The following GRIP2 variants were observed in gnomAD, a reference collection of about 807,000 sequenced individuals.
GRIP2 encodes the protein glutamate receptor interacting protein 2, also known as glutamate receptor-interacting protein 2.
A neutral mutation model predicts 108.3 loss-of-function variants in GRIP2; 58 were observed. The ratio of observed to expected loss-of-function variants is 0.54; its 90% confidence interval spans 0.43 to 0.67. The LOEUF (loss-of-function observed/expected upper bound fraction) is 0.67. Ranked by LOEUF, GRIP2 falls within the 30% of genes least tolerant of loss-of-function variation. GRIP2 has a pLI of 0.00. For synonymous variants in GRIP2, 586 were observed against 598.2 expected, an observed-to-expected ratio of 0.98 and a Z score of 0.30; for missense variants, 1,278 against 1,430.6, an observed-to-expected ratio of 0.89 and a Z score of 1.72.
chr3:14,584,789 G>A, the GRIP2 span, among the ~76,000 whole-genome samples: 32 of 152,132 alleles, frequency 2.1e-4, no homozygotes, highest in African/African-American at 7.0e-4. Context: ...AATCTTTTAC[G>A]AAGCACCCAT....
the GRIP2 span, among the ~76,000 whole-genome samples, chr3:14,579,236 G>T: frequency 6.6e-6 from 1 of 152,130 alleles, no homozygotes; most frequent in Admixed American, 6.5e-5. Flanking sequence ...AACTCTTAAA[G>T]ACAAACTGAA....
chr3:14,583,292 C>T, the GRIP2 span, among the ~76,000 whole-genome samples: 2 of 152,114 alleles, frequency 1.3e-5, no homozygotes, highest in Non-Finnish European at 2.9e-5. Context: ...GTGCATGAAC[C>T]GGATGCAGGG....
intron 1 of GRIP2, among the ~76,000 whole-genome samples, chr3:14,527,038 T>A (rs115629074): frequency 0.03 from 4,527 of 152,090 alleles, 211 homozygotes; most frequent in African/African-American, 0.1. Context: ...AATGCAAAAA[T>A]TGGCCGGGCA....
chr3:14,576,289 C>T, the GRIP2 span, among the ~76,000 whole-genome samples: 3 of 152,232 alleles, frequency 2.0e-5, no homozygotes, highest in African/African-American at 7.2e-5. Flanking sequence ...TCTGTCCATC[C>T]TCAGGACGGC....
At chr3:14,523,438 T>C in intron 5 of GRIP2, 174 bp downstream of exon 5, 1 of 608,252 alleles carries the variant, frequency 1.6e-6, no homozygotes, top group Admixed American at 2.7e-5. Flanking sequence ...CAACCAAGCC[T>C]ACTTCATTGC....
Position 14,496,454 on chromosome 3 carries a change from T to C in GRIP2, c.2786A>G (p.Glu929Gly), listed in dbSNP as rs1181245925. The change falls in exon 22 of 24, where the codon GAG (glutamate) becomes GGG (glycine). Residue 929 changes from glutamate (E) to glycine (G), a missense_variant. Physicochemically the swap from Glu to Gly is moderately conservative, Grantham distance 98. Transcript: ENST00000621039. Reference sequence around the variant, plus strand: ...CAAGGGTGTAGGCAGCAACAGCTCCTCCATTTCTGCAGGAGAGGCTCGTAC... The same window carrying C: ...CAAGGGTGTAGGCAGCAACAGCTCCCCCATTTCTGCAGGAGAGGCTCGTAC... ...REVRASPAEM[E>G]ELLLPTPLEM... 1 of 1,612,858 alleles carries C rather than the reference T, an allele frequency of 6.2e-7. No individual in the cohort carries two copies. Among genetic ancestry groups the C allele is most frequent in the Admixed American group, 1.7e-5 (1 of 59,898 alleles).
chr3:14,523,175 T>C (rs899423678), intron 5 of GRIP2, 100 bp from the exon 6 acceptor site: 12 of 852,148 alleles, frequency 1.4e-5, no homozygotes, highest in Non-Finnish European at 2.1e-5. Flanking sequence ...TAAAACCTGT[T>C]TGAGGACCTT....
At chr3:14,495,793 G>A (rs191082895) in intron 22 of GRIP2, among the ~76,000 whole-genome samples, 62 of 152,236 alleles carry the variant, frequency 4.1e-4, no homozygotes, top group Middle Eastern at 3.4e-3. Context: ...ATACATAGAC[G>A]TCACACACAC....
chr3:14,518,020 T>A, intron 9 of GRIP2, 123 bp from the exon 10 acceptor site: 1 of 1,180,724 alleles, frequency 8.5e-7, no homozygotes, highest in Non-Finnish European at 1.2e-6. Flanking sequence ...AGGCATTTAG[T>A]ATTCTGCTCA....
chr3:14,539,729 A>T (rs980621025), intron 1 of GRIP2, among the ~76,000 whole-genome samples: 3 of 152,074 alleles, frequency 2.0e-5, no homozygotes, highest in Non-Finnish European at 4.4e-5. Context: ...GGAATGTGGC[A>T]GCTGTGATCC....
At chr3:14,600,957 C>G in the GRIP2 span, among the ~76,000 whole-genome samples, 1 of 152,054 alleles carries the variant, frequency 6.6e-6, no homozygotes, top group African/African-American at 2.4e-5. Context: ...TGTCACAAGA[C>G]TCTCATGCCT....
intron 10 of GRIP2, among the ~76,000 whole-genome samples, chr3:14,517,526 A>C (rs1441824871): frequency 3.8e-4 from 37 of 96,518 alleles, no homozygotes; most frequent in Admixed American, 9.4e-4. Context: ...TTTTTAGTTG[A>C]GGTCTCGCTC....
intron 17 of GRIP2, among the ~76,000 whole-genome samples, chr3:14,509,506 C>T (rs1299134813): frequency 1.3e-5 from 2 of 152,240 alleles, no homozygotes; most frequent in African/African-American, 2.4e-5. Context: ...ACACAGCAGG[C>T]GCTCCAAATA....
At chr3:14,589,195 T>G in the GRIP2 span, among the ~76,000 whole-genome samples, 2 of 152,338 alleles carry the variant, frequency 1.3e-5, 1 homozygote, top group East Asian at 3.9e-4. Flanking sequence ...TGGGGACGTC[T>G]TTATGTTGCT....
chr3:14,519,298 T>C (rs1365723200), intron 9 of GRIP2, among the ~76,000 whole-genome samples: 2 of 152,102 alleles, frequency 1.3e-5, no homozygotes, highest in Non-Finnish European at 2.9e-5. Context: ...GAAGATGGGG[T>C]TTGCAAAGGG....
the GRIP2 span, among the ~76,000 whole-genome samples, chr3:14,588,236 T>C: frequency 1.3e-5 from 2 of 152,164 alleles, no homozygotes; most frequent in Non-Finnish European, 2.9e-5. Context: ...AGTTGTTTAG[T>C]GAGCTCTGTG....
the GRIP2 span, among the ~76,000 whole-genome samples, chr3:14,576,384 A>G: frequency 6.6e-6 from 1 of 152,238 alleles, no homozygotes; most frequent in African/African-American, 2.4e-5. Context: ...AAGGTCACAC[A>G]GCTCATCAGC....
At chr3:14,543,051 T>C (rs920981250), upstream of GRIP2, among the ~76,000 whole-genome samples, 1 of 152,134 alleles carries the variant, frequency 6.6e-6, no homozygotes, top group Non-Finnish European at 1.5e-5. Context: ...AGACTGACTT[T>C]GAAGGATGGG....
chr3:14,533,793 C>T (rs1694767046), intron 1 of GRIP2, among the ~76,000 whole-genome samples: 1 of 152,214 alleles, frequency 6.6e-6, no homozygotes, highest in Non-Finnish European at 1.5e-5. Context: ...CTGCTGGTCT[C>T]AACACCGAGT....
Sources: gnomAD v4.1 joint callset for allele counts (sites outside exome capture counted in the v4.1 genomes callset) on GRCh38, gnomAD v4.1.1 for gene constraint, MANE v1.5 for transcripts, NCBI Gene and HGNC (gene_info 2026-07-23, HGNC 2026-07-21) for gene names.